SCFD2: variants seen among roughly 807,000 people sequenced by gnomAD.
SCFD2 encodes the protein sec1 family domain containing 2.
SCFD2 carries 54 observed loss-of-function variants against 58.9 expected under a neutral mutation model. The ratio of observed to expected loss-of-function variants is 0.92; its 90% CI spans 0.74 to 1.15. The LOEUF (loss-of-function observed/expected upper bound fraction) is 1.15. Ranked by LOEUF, SCFD2 falls within the 50% of genes most tolerant of loss-of-function variation. The pLI is 0.00. For synonymous variants in SCFD2, 321 were observed against 335.9 expected (o/e 0.96, Z 0.49); for missense variants, 805 against 836.6 (o/e 0.96, Z 0.47).
intron 6 of SCFD2, among the ~76,000 whole-genome samples, chr4:52,914,328 G>A (rs887858197): frequency 6.6e-6 from 1 of 152,222 alleles, no homozygotes; most frequent in Non-Finnish European, 1.5e-5. Context: ...AGTGCTGGAA[G>A]CTATGTCTGT....
rs536229224 is a variant in SCFD2 at position 52,899,118 on chromosome 4, A to G, written c.1842+8339T>C. 3.9e-5 allele frequency among the ~76,000 whole-genome samples: 6 copies of G among 152,246 alleles called. No homozygotes were observed. In the East Asian group the frequency reaches 9.6e-4, roughly 24 times the overall value. On this transcript the variant is annotated intron_variant, in intron 7 of 8. Transcript: ENST00000401642. Reference sequence around the variant, plus strand: ...CTCTTTATCCGATTTGCCAGTCTGTACCTTTTAATTGGAGCATGTAGCCCA... The same window carrying G: ...CTCTTTATCCGATTTGCCAGTCTGTGCCTTTTAATTGGAGCATGTAGCCCA...
chr4:53,341,014 CAG>C (rs1325655246), intron 2 of SCFD2, among the ~76,000 whole-genome samples: 1 of 152,124 alleles, frequency 6.6e-6, no homozygotes, highest in Non-Finnish European at 1.5e-5. Flanking sequence ...GGGGAAAAAA[CAG>C]AGCAGAAAAG....
intron 5 of SCFD2, among the ~76,000 whole-genome samples, chr4:52,966,762 A>AC (rs1171051721): frequency 3.3e-5 from 5 of 152,202 alleles, no homozygotes; most frequent in Admixed American, 3.3e-4. Flanking sequence ...CTATTAGTGA[A>AC]CCAATATTGA....
At chr4:53,225,225 A>G (rs1232013296) in intron 4 of SCFD2, among the ~76,000 whole-genome samples, 1 of 152,182 alleles carries the variant, frequency 6.6e-6, no homozygotes, top group Non-Finnish European at 1.5e-5. Flanking sequence ...TCACTCTTCC[A>G]ATAGTAATGT....
At chr4:52,916,407 T>TAA (rs955703018) in intron 6 of SCFD2, among the ~76,000 whole-genome samples, 2 of 152,136 alleles carry the variant, frequency 1.3e-5, no homozygotes, top group Non-Finnish European at 2.9e-5. Flanking sequence ...CTGTCTCTAC[T>TAA]AAAAATACAA....
In SCFD2 at chr4:53,346,292, G is replaced by C. The variant is rs951946802; in HGVS notation, c.1007+6306C>G. Among the ~76,000 whole-genome samples, 8 of 66,136 alleles carry C rather than the reference G, an allele frequency of 1.2e-4. 1 individual carries two copies. In the East Asian group the frequency reaches 2.9e-3, roughly 24 times the overall value. The allele number at this position is 66,136 out of a possible 152,430, so 43.4% of individuals were successfully genotyped here. ...CTTTTTTTTTCTTTTTTTTTTTTTT[G>C]AGAGGGAGTTTCACTCTTGTTGCCC... On this transcript the variant is annotated intron_variant, in intron 2 of 8. Transcript: ENST00000401642.
At chr4:53,060,082 C>T (rs1195972926) in intron 5 of SCFD2, among the ~76,000 whole-genome samples, 1 of 152,142 alleles carries the variant, frequency 6.6e-6, no homozygotes, top group African/African-American at 2.4e-5. Flanking sequence ...ATGATTCTCT[C>T]AAATGAGCAA....
chr4:52,900,615 C>T (rs531752209), intron 7 of SCFD2, among the ~76,000 whole-genome samples: 11 of 152,334 alleles, frequency 7.2e-5, no homozygotes, highest in African/African-American at 1.9e-4. Flanking sequence ...GGCATTCTGC[C>T]GGTTCTCAGA....
intron 4 of SCFD2, among the ~76,000 whole-genome samples, chr4:53,178,003 T>A (rs1004344992): frequency 2.0e-5 from 3 of 152,026 alleles, no homozygotes; most frequent in Non-Finnish European, 4.4e-5. Flanking sequence ...GTAAACAAAG[T>A]GGATGGGAAG....
At chr4:53,341,325 G>A (rs1577985958) in intron 2 of SCFD2, among the ~76,000 whole-genome samples, 1 of 152,174 alleles carries the variant, frequency 6.6e-6, no homozygotes, top group East Asian at 1.9e-4. Context: ...AGCTTCAGTA[G>A]CCAATTCGAT....
chr4:53,259,552 G>T (rs1730764492), intron 4 of SCFD2, among the ~76,000 whole-genome samples: 1 of 152,066 alleles, frequency 6.6e-6, no homozygotes, highest in South Asian at 2.1e-4. Context: ...TTATTTCTGG[G>T]TTCTCTATTC....
At chr4:53,138,610 T>C (rs1726012397) in intron 5 of SCFD2, among the ~76,000 whole-genome samples, 2 of 152,306 alleles carry the variant, frequency 1.3e-5, no homozygotes, top group South Asian at 4.1e-4. Flanking sequence ...CCTTGACATT[T>C]TGTGTGAGTA....
At chr4:53,129,098 T>C (rs1725714865) in intron 5 of SCFD2, among the ~76,000 whole-genome samples, 1 of 152,230 alleles carries the variant, frequency 6.6e-6, no homozygotes, top group Non-Finnish European at 1.5e-5. Flanking sequence ...TTTTGCATGT[T>C]GGGAAATGTA....
intron 4 of SCFD2, among the ~76,000 whole-genome samples, chr4:53,255,613 T>G (rs2149046219): frequency 6.6e-6 from 1 of 152,314 alleles, no homozygotes; most frequent in South Asian, 2.1e-4. Flanking sequence ...TGTCTACTTC[T>G]TTCTACACAG....
At chr4:53,280,001 C>A (rs759332094) in intron 3 of SCFD2, among the ~76,000 whole-genome samples, 4 of 152,224 alleles carry the variant, frequency 2.6e-5, no homozygotes, top group African/African-American at 4.8e-5. Context: ...GGTGAGGACA[C>A]AAAGCCTAAC....
intron 3 of SCFD2, among the ~76,000 whole-genome samples, chr4:53,297,730 A>T (rs975332637): frequency 1.3e-5 from 2 of 152,100 alleles, no homozygotes; most frequent in Admixed American, 6.6e-5. Flanking sequence ...CCGTTAGTTG[A>T]TGCAGTTTCT....
At chr4:53,313,915 T>C (rs1049258486) in intron 2 of SCFD2, 152 bp from the exon 3 acceptor site, 2 of 616,152 alleles carry the variant, frequency 3.2e-6, no homozygotes, top group Admixed American at 3.1e-5. Context: ...ATAAAGAATG[T>C]CTAATTCACA....
At chr4:53,344,566 C>T (rs1271259782) in intron 2 of SCFD2, among the ~76,000 whole-genome samples, 1 of 152,154 alleles carries the variant, frequency 6.6e-6, no homozygotes, top group Non-Finnish European at 1.5e-5. Context: ...ATCAAGCTAC[C>T]AATGACTTTC....
intron 8 of SCFD2, 118 bp downstream of exon 8, chr4:52,885,629 G>A (rs1420810463): frequency 8.1e-6 from 10 of 1,227,542 alleles, no homozygotes; most frequent in African/African-American, 1.5e-5. Context: ...ACAAAGCCAA[G>A]AGGGTGATGG....
Sources: gnomAD v4.1 joint callset for allele counts (sites outside exome capture counted in the v4.1 genomes callset) on GRCh38, gnomAD v4.1.1 for gene constraint, MANE v1.5 for transcripts, NCBI Gene and HGNC (gene_info 2026-07-23, HGNC 2026-07-21) for gene names.